ACCS: variants seen among roughly 807,000 people sequenced by gnomAD.
ACCS encodes 1-aminocyclopropane-1-carboxylate synthase homolog (inactive).
Under a neutral mutation model 59.8 loss-of-function variants are expected in ACCS, and 42 were observed. That is an observed-to-expected ratio of 0.70 (90% confidence interval 0.55 to 0.91). ACCS has a LOEUF of 0.91. Among genes scored for constraint, ACCS ranks in the 40% least tolerant of loss-of-function variants. The probability of loss-of-function intolerance (pLI) is 0.00; values close to 1 mark genes in which losing one functional copy is unlikely to be tolerated. For missense variants in ACCS, 602 were observed against 630.4 expected, an observed-to-expected ratio of 0.95 and a Z score of 0.48; for synonymous variants, 230 against 240.3, an observed-to-expected ratio of 0.96 and a Z score of 0.40.
intron 9 of ACCS, 36 bp downstream of exon 9, chr11:44,078,820 G>T (rs1396689361): frequency 6.3e-7 from 1 of 1,585,870 alleles, no homozygotes; most frequent in Admixed American, 1.7e-5. Context: ...CAGAGCGTCT[G>T]GGCAGCCTGG....
chr11:44,075,846 C>A, intron 6 of ACCS: 1 of 455,648 alleles, frequency 2.2e-6, no homozygotes, highest in Non-Finnish European at 4.0e-6. Context: ...AGGTGGCTGT[C>A]GCGTCCTCAC....
chr11:44,076,501 G>A (rs1215754202), intron 6 of ACCS, among the ~76,000 whole-genome samples: 1 of 152,202 alleles, frequency 6.6e-6, no homozygotes, highest in African/African-American at 2.4e-5. Context: ...CCATGAAAGA[G>A]AGATTCATTG....
chr11:44,082,377 C>T (rs1413455699), intron 12 of ACCS, among the ~76,000 whole-genome samples: 1 of 152,204 alleles, frequency 6.6e-6, no homozygotes, highest in Non-Finnish European at 1.5e-5. Context: ...ACTGGAACAA[C>T]CCAAATGTCC....
intron 3 of ACCS, among the ~76,000 whole-genome samples, chr11:44,073,093 A>G (rs560003335): frequency 1.8e-4 from 28 of 152,274 alleles, no homozygotes; most frequent in East Asian, 7.7e-4. Flanking sequence ...AGTATCTTCT[A>G]TCACCCCATG....
At chr11:44,070,860 G>A (rs72900029) in intron 2 of ACCS, among the ~76,000 whole-genome samples, 97 of 152,242 alleles carry the variant, frequency 6.4e-4, no homozygotes, top group Non-Finnish European at 1.1e-3. Context: ...GAGAAACAGT[G>A]GTGTCTTCAG....
At chr11:44,074,557 T>G in intron 4 of ACCS, 55 bp from the exon 5 acceptor site, 1 of 1,369,154 alleles carries the variant, frequency 7.3e-7, no homozygotes, top group Non-Finnish European at 1.0e-6. Flanking sequence ...AGCTTCAGGA[T>G]GCACCGTGGG....
chr11:44,075,846 C>G, intron 6 of ACCS: 1 of 455,648 alleles, frequency 2.2e-6, no homozygotes, highest in African/African-American at 1.9e-5. Context: ...AGGTGGCTGT[C>G]GCGTCCTCAC....
intron 2 of ACCS, among the ~76,000 whole-genome samples, chr11:44,069,259 G>A (rs940842582): frequency 1.3e-5 from 2 of 151,142 alleles, no homozygotes; most frequent in Non-Finnish European, 2.9e-5. Flanking sequence ...GTCTCGCTGT[G>A]ACACCCATGG....
chr11:44,079,352 A>G (rs1358713334), intron 9 of ACCS, 179 bp from the exon 10 acceptor site: 1 of 594,192 alleles, frequency 1.7e-6, no homozygotes, highest in Non-Finnish European at 3.0e-6. Context: ...CCTGCTCTGT[A>G]TGTGTGGCTT....
chr11:44,079,479 C>T (rs952451591), intron 9 of ACCS, 52 bp from the exon 10 acceptor site: 63 of 1,476,026 alleles, frequency 4.3e-5, no homozygotes, highest in Admixed American at 1.7e-4. Context: ...CCCTGTGGGA[C>T]GCATCTGCCC....
chr11:44,082,225 A>G (rs984006988), intron 12 of ACCS: 2 of 152,238 alleles, frequency 1.3e-5, no homozygotes, highest in South Asian at 2.1e-4. Flanking sequence ...AAAAGAATTC[A>G]GCAGTTTCTT....
intron 2 of ACCS, among the ~76,000 whole-genome samples, chr11:44,070,866 T>G (rs1953016043): frequency 6.6e-6 from 1 of 152,196 alleles, no homozygotes. Context: ...CAGTGGTGTC[T>G]TCAGCACACA....
Position 44,078,773 on chromosome 11 carries a change from A to G in ACCS, c.822A>G (p.Val274=). Residue 274 remains valine, a synonymous_variant, in exon 9 of 15, where the codon GTA becomes GTG. Coordinates refer to ENST00000263776, the MANE Select transcript of ACCS (RefSeq NM_032592.4). Reference sequence around the variant, plus strand: ...CTGAAGAGCTACAGGAGTACCTGGTATTTGCCAAGAGGTGAGGCACCCCAC... The same window carrying G: ...CTGAAGAGCTACAGGAGTACCTGGTGTTTGCCAAGAGGTGAGGCACCCCAC... ...YSPEELQEYL[V]FAKRHRLHVI... is the part of the protein sequence containing the mutation. 1.2e-6 allele frequency: 2 copies of G among 1,613,926 alleles called. No individual in the cohort carries two copies. Among genetic ancestry groups the G allele is most frequent in the Non-Finnish European group, 1.7e-6 (2 of 1,179,934 alleles).
chr11:44,078,327 C>G, intron 8 of ACCS: 1 of 312,500 alleles, frequency 3.2e-6, no homozygotes, highest in Non-Finnish European at 5.9e-6. Flanking sequence ...GACCAGTATT[C>G]CAGTGGTTCC....
intron 5 of ACCS, 53 bp downstream of exon 5, chr11:44,074,734 C>CCCTTTCTTTCTTTCTTTCTT (rs1953227154): frequency 3.6e-6 from 2 of 548,372 alleles, no homozygotes; most frequent in East Asian, 4.9e-5. Flanking sequence ...CCCTCTCCAT[C>CCCTTTCTTTCTTTCTTTCTT]TCTTTCTTTC....
At chr11:44,080,845 T>G in intron 10 of ACCS, 175 bp from the exon 11 acceptor site, 1 of 722,542 alleles carries the variant, frequency 1.4e-6, no homozygotes, top group Admixed American at 2.7e-5. Context: ...GGCTGTCATT[T>G]GCTAACCCCT....
intron 3 of ACCS, 28 bp from the exon 4 acceptor site, chr11:44,073,419 A>G (rs777745801): frequency 6.3e-7 from 1 of 1,595,742 alleles, no homozygotes; most frequent in Non-Finnish European, 8.5e-7. Context: ...GCTGGCCCTC[A>G]GCCGTGCTCT....
At position 44,079,637 on chromosome 11, in the gene ACCS, C is replaced by T; in HGVS notation, c.923+17C>T. 4 of 1,592,768 alleles carry T rather than the reference C, an allele frequency of 2.5e-6. No individual in the cohort carries two copies. Among genetic ancestry groups the T allele is most frequent in the Non-Finnish European group, 3.4e-6 (4 of 1,168,234 alleles). ...CCTGGAAAGGTGAGGCTCCCTGACACAGCTAACTCCCCCAGTCCCTATTAT... is the reference window on the plus strand; with the variant it reads ...CCTGGAAAGGTGAGGCTCCCTGACATAGCTAACTCCCCCAGTCCCTATTAT... On this transcript the variant is annotated intron_variant, in intron 10 of 14. Transcript: ENST00000263776.
chr11:44,067,662 C>T lies in ACCS; in HGVS notation c.35C>T (p.Pro12Leu). Reference sequence around the variant, plus strand: ...CTTCCTCAAAAGGACTTCAGGGCTCCCACCACCTGTCTGGGCCCCACCTGC... The same window carrying T: ...CTTCCTCAAAAGGACTTCAGGGCTCTCACCACCTGTCTGGGCCCCACCTGC... The part of the protein sequence containing the change: ...FTLPQKDFRA[P>L]TTCLGPTCMQ... Residue 12 changes from proline (P) to leucine (L), a missense_variant, in exon 2 of 15, where the codon CCC becomes CTC. Coordinates refer to ENST00000263776, the MANE Select transcript of ACCS (RefSeq NM_032592.4). 1 of 1,613,598 alleles carries T rather than the reference C, an allele frequency of 6.2e-7. No individual in the cohort carries two copies. Among genetic ancestry groups the T allele is most frequent in the Admixed American group, 1.7e-5 (1 of 59,956 alleles).
Sources: allele counts gnomAD v4.1 joint callset (sites outside exome capture counted in the v4.1 genomes callset), GRCh38; gene constraint gnomAD v4.1.1; transcripts MANE v1.5; gene names NCBI Gene and HGNC (gene_info 2026-07-23, HGNC 2026-07-21).